The following SYTL3 variants were observed in gnomAD, a reference collection of about 807,000 sequenced individuals.
SYTL3 encodes the protein synaptotagmin-like protein 3.
SYTL3 carries 88 observed loss-of-function variants against 82.1 expected under a neutral mutation model. The ratio of observed to expected loss-of-function variants is 1.07; its 90% CI spans 0.90 to 1.28. The LOEUF (loss-of-function observed/expected upper bound fraction) is 1.28, where lower values mean the gene tolerates loss of function less well. Ranked by LOEUF, SYTL3 falls within the 50% of genes most tolerant of loss-of-function variation. The probability of loss-of-function intolerance (pLI) is 0.00; values close to 1 mark genes in which losing one functional copy is unlikely to be tolerated. For synonymous variants in SYTL3, 311 were observed against 289.4 expected (o/e 1.07, Z -0.76); for missense variants, 831 against 757.6 (o/e 1.10, Z -1.14).
intron 11 of SYTL3, among the ~76,000 whole-genome samples, chr6:158,729,626 G>A (rs2128487531): frequency 6.7e-6 from 1 of 148,214 alleles, no homozygotes; most frequent in Middle Eastern, 3.5e-3. Context: ...GAGTTTAGTG[G>A]TGCGATCTCA....
At chr6:158,724,633 A>T (rs1441651911) in intron 10 of SYTL3, among the ~76,000 whole-genome samples, 2 of 152,264 alleles carry the variant, frequency 1.3e-5, no homozygotes, top group South Asian at 2.1e-4. Context: ...GCAACTGAGA[A>T]GTTAAGTTTG....
chr6:158,759,143 C>G (rs1430099895), intron 14 of SYTL3, among the ~76,000 whole-genome samples: 1 of 152,234 alleles, frequency 6.6e-6, no homozygotes. Context: ...TGGCATAGGA[C>G]AGGCGGCCAC....
At chr6:158,750,540 A>G (rs1371111138) in intron 12 of SYTL3, among the ~76,000 whole-genome samples, 2 of 152,150 alleles carry the variant, frequency 1.3e-5, no homozygotes, top group African/African-American at 4.8e-5. Flanking sequence ...ATTTTTTGAG[A>G]CAGAGTCTTG....
intron 11 of SYTL3, among the ~76,000 whole-genome samples, chr6:158,729,371 A>G (rs1249032385): frequency 2.6e-5 from 4 of 152,122 alleles, no homozygotes; most frequent in Non-Finnish European, 5.9e-5. Flanking sequence ...AAGAGGGTCC[A>G]GTGCTGTGTG....
At chr6:158,708,738 G>A (rs757578490) in intron 8 of SYTL3, among the ~76,000 whole-genome samples, 6 of 152,120 alleles carry the variant, frequency 3.9e-5, no homozygotes, top group Admixed American at 2.6e-4. Context: ...ATTGGTTAAC[G>A]TGTGTGTGAG....
chr6:158,668,017 A>G (rs6455597), intron 5 of SYTL3, among the ~76,000 whole-genome samples: 7,124 of 152,286 alleles, frequency 0.047, 563 homozygotes, highest in African/African-American at 0.16. Flanking sequence ...TATTAAAAGC[A>G]TAAAACAATC....
intron 11 of SYTL3, among the ~76,000 whole-genome samples, chr6:158,743,193 G>A (rs981478137): frequency 2.6e-5 from 4 of 152,170 alleles, no homozygotes; most frequent in African/African-American, 9.7e-5. Flanking sequence ...GGAGAGTCAA[G>A]CAGGTCAGTA....
chr6:158,736,212 G>A (rs868730173), intron 11 of SYTL3, among the ~76,000 whole-genome samples: 23 of 151,956 alleles, frequency 1.5e-4, no homozygotes, highest in African/African-American at 4.8e-4. Flanking sequence ...TTAGCCGGGC[G>A]TTGTGGCGGG....
chr6:158,651,545 G>A (rs1374121362), intron 1 of SYTL3, among the ~76,000 whole-genome samples: 5 of 152,010 alleles, frequency 3.3e-5, no homozygotes, highest in Admixed American at 6.6e-5. Flanking sequence ...CTGAGATCGC[G>A]CCACTGCACT....
intron 8 of SYTL3, among the ~76,000 whole-genome samples, chr6:158,711,895 T>G (rs1782804956): frequency 6.6e-6 from 1 of 152,180 alleles, no homozygotes; most frequent in Admixed American, 6.5e-5. Flanking sequence ...ATTTTAGCTG[T>G]CTTCTTTACT....
At chr6:158,693,468 A>G (rs1436094534) in intron 6 of SYTL3, among the ~76,000 whole-genome samples, 2 of 152,054 alleles carry the variant, frequency 1.3e-5, no homozygotes. Flanking sequence ...GCTCACTGCA[A>G]CCTCTGCCTC....
At chr6:158,678,107 G>C (rs529203836) in intron 5 of SYTL3, among the ~76,000 whole-genome samples, 101 of 152,222 alleles carry the variant, frequency 6.6e-4, no homozygotes, top group Admixed American at 6.5e-4. Flanking sequence ...GAACTCCTGC[G>C]TTCAAGCAAT....
chr6:158,690,332 G>C (rs1779729670), intron 6 of SYTL3, among the ~76,000 whole-genome samples: 1 of 152,244 alleles, frequency 6.6e-6, no homozygotes, highest in African/African-American at 2.4e-5. Flanking sequence ...CACTGAGTAG[G>C]CACCTTACAA....
At chr6:158,761,355 T>G (rs569853178) in intron 15 of SYTL3, among the ~76,000 whole-genome samples, 44 of 144,312 alleles carry the variant, frequency 3.0e-4, no homozygotes, top group African/African-American at 1.1e-3. Context: ...CAGGCTGGAG[T>G]GCAGTGGCCC....
chr6:158,743,901 C>T, intron 11 of SYTL3, among the ~76,000 whole-genome samples: 1 of 151,984 alleles, frequency 6.6e-6, no homozygotes, highest in East Asian at 1.9e-4. Context: ...TGTCTGATGA[C>T]TTGTTGGTAT....
At chr6:158,672,405 A>C (rs1039393414) in intron 5 of SYTL3, among the ~76,000 whole-genome samples, 1 of 152,134 alleles carries the variant, frequency 6.6e-6, no homozygotes, top group Non-Finnish European at 1.5e-5. Context: ...ACTGGGTTTT[A>C]AGTCCTGGGT....
chr6:158,665,294 C>A, intron 4 of SYTL3, 101 bp from the exon 5 acceptor site: 2 of 1,097,736 alleles, frequency 1.8e-6, no homozygotes, highest in South Asian at 1.5e-5. Context: ...AATGCCAAAG[C>A]CCCTTCCCTT....
At chr6:158,718,276 C>G (rs1783657047) in intron 10 of SYTL3, 65 bp downstream of exon 10, 2 of 1,330,558 alleles carry the variant, frequency 1.5e-6, no homozygotes, top group African/African-American at 1.5e-5. Flanking sequence ...AACTTTCTAG[C>G]CTGCCTTCTC....
intron 5 of SYTL3, among the ~76,000 whole-genome samples, chr6:158,678,129 G>A (rs374270176): frequency 2.0e-5 from 3 of 152,056 alleles, no homozygotes; most frequent in Admixed American, 1.3e-4. Flanking sequence ...CTCTCGCCTC[G>A]GCCTCCGAAA....
Sources: allele counts gnomAD v4.1 joint callset (sites outside exome capture counted in the v4.1 genomes callset), GRCh38; gene constraint gnomAD v4.1.1; transcripts MANE v1.5; gene names NCBI Gene and HGNC (gene_info 2026-07-23, HGNC 2026-07-21).